The following PCK2 variants were observed in gnomAD, a reference collection of about 807,000 sequenced individuals.
PCK2 encodes the protein phosphoenolpyruvate carboxykinase [GTP], mitochondrial.
A neutral mutation model predicts 65.9 loss-of-function variants in PCK2; 56 were observed. That is an observed-to-expected ratio of 0.85 (90% CI 0.69 to 1.06). The LOEUF (loss-of-function observed/expected upper bound fraction) is 1.06. Ranked by LOEUF, PCK2 falls within the 50% of genes least tolerant of loss-of-function variation. The pLI is 0.00. For synonymous variants in PCK2, 305 were observed against 319.6 expected (o/e 0.95, Z 0.49); for missense variants, 843 against 863.1 (o/e 0.98, Z 0.29).
Position 24,103,741 on chromosome 14 carries a change from G to A in PCK2, c.1700G>A (p.Ser567Asn), listed in dbSNP as rs781741619. ...WICRRLEGEDSARETPIGLVP... is the reference protein window; with the variant it reads ...WICRRLEGEDNARETPIGLVP... ...TGCCGGCGGTTAGAGGGGGAGGACA[G>A]TGCCCGAGAGACACCCATTGGGCTG... The change falls in exon 10 of 10, where the codon AGT becomes AAT. Residue 567 changes from serine to asparagine, a missense_variant. Physicochemically the swap from Ser to Asn is conservative, Grantham distance 46. Coordinates refer to ENST00000216780, the MANE Select transcript of PCK2 (RefSeq NM_004563.4). 9 of 1,614,212 alleles carry A rather than the reference G, an allele frequency of 5.6e-6. No individual in the cohort carries two copies. The South Asian group carries it at 9.9e-5, about 18-fold the overall frequency.
rs34592767 is a variant in PCK2 at position 24,096,228 on chromosome 14, C to CTTTTTTT, written c.30-642_30-636dup. On this transcript the variant is annotated intron_variant, in intron 1 of 9. Coordinates refer to ENST00000216780, the MANE Select transcript of PCK2 (RefSeq NM_004563.4). ...TTGGGCCAAAGGCCCCTACTCATTTCTTTTTTTTTTTTTTTTTTTTTTTTT... is the reference window on the plus strand; with the variant it reads ...TTGGGCCAAAGGCCCCTACTCATTTCTTTTTTTTTTTTTTTTTTTTTTTTTTTTTTTT... 1.7e-4 allele frequency among the ~76,000 whole-genome samples: 10 copies of CTTTTTTT among 58,848 alleles called. 1 individual carries two copies. Among genetic ancestry groups the CTTTTTTT allele is most frequent in the Non-Finnish European group, 2.3e-4 (8 of 34,858 alleles). 38.6% of individuals were successfully genotyped at this position (58,848 alleles called of 152,430 possible).
Position 24,098,334 on chromosome 14 carries a change from C to A in PCK2, c.407C>A (p.Ser136Tyr). 1 of 1,613,882 alleles carries A rather than the reference C, an allele frequency of 6.2e-7. No individual in the cohort carries two copies. The highest frequency in any genetic ancestry group is 8.5e-7 in the Non-Finnish European group (1 of 1,179,840). Residue 136 changes from serine to tyrosine, a missense_variant, in exon 3 of 10, where the codon TCC becomes TAC. By Grantham distance (144) the Ser-to-Tyr change is moderately radical. Transcript: ENST00000216780. ...GARGQLGNWMSPADFQRAVDE... is the reference protein window; with the variant it reads ...GARGQLGNWMYPADFQRAVDE... Reference sequence around the variant, plus strand: ...CGTGGGCAGCTGGGCAACTGGATGTCCCCAGCTGATTTCCAGCGAGCTGTG... The same window carrying A: ...CGTGGGCAGCTGGGCAACTGGATGTACCCAGCTGATTTCCAGCGAGCTGTG...
rs61497654 is a variant in PCK2 at position 24,103,500 on chromosome 14, T to TC, written c.1469-3dup. The TC allele has an allele frequency of 5.1e-4, 788 of 1,534,258 alleles. 2 individuals are homozygous for TC. In the African/African-American group the frequency reaches 8.0e-3, roughly 16 times the overall value. The stretch of plus-strand genomic sequence containing the variant: ...AGGAAGATTCCTTACCCATCTTGCT[T>TC]CCCCCCCAGGGAAGATCATCATGCA... On this transcript the variant is annotated splice_polypyrimidine_tract_variant and intron_variant, in intron 9 of 9. Transcript: ENST00000216780.
At position 24,098,198 on chromosome 14, in the gene PCK2, C is replaced by T; in HGVS notation, c.276-5C>T. The T allele has an allele frequency of 3.1e-6, 5 of 1,589,988 alleles. No individual in the cohort carries two copies. Among genetic ancestry groups the T allele is most frequent in the Non-Finnish European group, 4.3e-6 (5 of 1,164,014 alleles). ...CCATCTTCCTGACAATCCCCTCTCC[C>T]CCAGCTGGCTGGCCCGCACAGACCC... On this transcript the variant is annotated splice_polypyrimidine_tract_variant and splice_region_variant and intron_variant, in intron 2 of 9. Transcript: ENST00000216780.
In PCK2 at chr14:24,102,904, G is replaced by A. The variant is rs1192624283; in HGVS notation, c.1372+14G>A. On this transcript the variant is annotated intron_variant, in intron 8 of 9. Coordinates refer to ENST00000216780, the MANE Select transcript of PCK2 (RefSeq NM_004563.4). ...GCAGACCCAAAGGTAAACAACATAT[G>A]AGCTCCATGTTCTTGGCAAAAGGGC... 6.2e-7 allele frequency: 1 copy of A among 1,611,246 alleles called. No homozygotes were observed. Among genetic ancestry groups the A allele is most frequent in the East Asian group, 2.2e-5 (1 of 44,842 alleles).
intron 4 of PCK2, 61 bp from the exon 5 acceptor site, chr14:24,098,988 G>C: frequency 7.5e-7 from 1 of 1,328,894 alleles, no homozygotes; most frequent in Non-Finnish European, 1.1e-6. Flanking sequence ...TGATCCCTCT[G>C]GCCCCGACAC....
chr14:24,094,266 G>C, upstream of PCK2: 1 of 792,198 alleles, frequency 1.3e-6, no homozygotes, highest in Non-Finnish European at 2.0e-6. This position sits in a 1 kb window ranked among gnomAD's most constrained non-coding sequence, Gnocchi z 4.1. Context: ...TTCCGCCCCC[G>C]CGCCTGCCCC....
At chr14:24,099,914 TG>T in intron 6 of PCK2, 80 bp from the exon 7 acceptor site, 1 of 1,612,494 alleles carries the variant, frequency 6.2e-7, no homozygotes, top group Non-Finnish European at 8.5e-7. Flanking sequence ...AGGACAGGGG[TG>T]GGTGGAGCAG....
intron 2 of PCK2, 43 bp from the exon 3 acceptor site, chr14:24,098,160 A>C: frequency 1.3e-6 from 2 of 1,545,930 alleles, no homozygotes; most frequent in Non-Finnish European, 1.8e-6. Flanking sequence ...GGACAAGGGA[A>C]ACCTGCTGGC....
At chr14:24,095,341 T>C in intron 1 of PCK2, 1 of 420,266 alleles carries the variant, frequency 2.4e-6, no homozygotes, top group South Asian at 1.6e-5. Flanking sequence ...AAACTGATGC[T>C]CACGGAGAAC....
chr14:24,104,003 A>C lies in PCK2; in HGVS notation c.*39A>C. ...TCTAGCAAGAGGACATAGCACCCTC[A>C]TCTGGGAATAGGGAAGGCACCTTGC... is the stretch of plus-strand genomic sequence containing the variant. On this transcript the variant is annotated 3_prime_UTR_variant, in exon 10 of 10. Transcript: ENST00000216780. 1 of 1,468,614 alleles carries C rather than the reference A, an allele frequency of 6.8e-7. No homozygotes were observed. Among genetic ancestry groups the C allele is most frequent in the Non-Finnish European group, 9.5e-7 (1 of 1,051,468 alleles). The allele number at this position is 1,468,614 out of a possible 1,614,324, so 91.0% of individuals were successfully genotyped here.
chr14:24,102,926 G>T (rs1167097622), intron 8 of PCK2, 36 bp downstream of exon 8: 3 of 1,601,190 alleles, frequency 1.9e-6, no homozygotes, highest in Non-Finnish European at 2.6e-6. Flanking sequence ...CTTGGCAAAA[G>T]GGCTATCTCT....
rs377500005 is a variant in PCK2 at position 24,103,651 on chromosome 14, G to A, written c.1610G>A (p.Arg537His). ...ATCTTCCATGTCAACTGGTTCCGGC[G>A]TGACGAGGCAGGGCACTTCCTGTGG... ...PRIFHVNWFR[R>H]DEAGHFLWPG... The change falls in exon 10 of 10, where the codon CGT (arginine) becomes CAT (histidine). Residue 537 changes from arginine (R) to histidine (H), a missense_variant. Arg to His is a conservative substitution (Grantham distance 29). Coordinates refer to ENST00000216780, the MANE Select transcript of PCK2 (RefSeq NM_004563.4). 26 of 1,614,088 alleles carry A rather than the reference G, an allele frequency of 1.6e-5. No individual in the cohort carries two copies. The Admixed American group carries it at 2.0e-4, about 12-fold the overall frequency.
chr14:24,095,378 G>C lies in PCK2; in HGVS notation c.29+944G>C, dbSNP rs972983340. ...TCCCTCTGAGGCAGGAACAGACCCA[G>C]GTCCCAGTAGCCCTCCTCCCCTGCC... On this transcript the variant is annotated intron_variant, in intron 1 of 9. Coordinates refer to ENST00000216780, the MANE Select transcript of PCK2 (RefSeq NM_004563.4). 28 of 387,356 alleles carry C rather than the reference G, an allele frequency of 7.2e-5. No individual in the cohort carries two copies. In the Admixed American group the frequency reaches 8.2e-4, roughly 11 times the overall value. The allele number at this position is 387,356 out of a possible 1,614,324, so 24.0% of individuals were successfully genotyped here. A position where few individuals can be genotyped will look rare whatever the true frequency, so the allele number is the denominator to read the frequency against.
chr14:24,097,265 AC>A, intron 2 of PCK2, 128 bp downstream of exon 2: 1 of 861,778 alleles, frequency 1.2e-6, no homozygotes, highest in Non-Finnish European at 1.8e-6. Context: ...GGGTAAACAG[AC>A]CCAGAAACTG....
rs746383047 is a variant in PCK2 at position 24,098,399 on chromosome 14, AG to A, written c.460+16del. 2.5e-6 allele frequency: 4 copies of A among 1,611,102 alleles called. No homozygotes were observed. The South Asian group carries it at 4.4e-5, about 18-fold the overall frequency. On this transcript the variant is annotated intron_variant, in intron 3 of 9. Coordinates refer to ENST00000216780, the MANE Select transcript of PCK2 (RefSeq NM_004563.4). ...AGGCTGCATGCAGGGTAACCAGGGC[AG>A]GGGCACAGTGGCAAGGGCACGGAAG...
chr14:24,099,629 G>C lies in PCK2; in HGVS notation c.924G>C (p.Lys308Asn). 6.2e-7 allele frequency: 1 copy of C among 1,614,106 alleles called. No individual in the cohort carries two copies. Among genetic ancestry groups the C allele is most frequent in the Non-Finnish European group, 8.5e-7 (1 of 1,179,966 alleles). ...CCGCCTTCCCTAGTGCCTGTGGCAAGACCAACCTGGCTATGATGCGGCCTG... is the reference window on the plus strand; with the variant it reads ...CCGCCTTCCCTAGTGCCTGTGGCAACACCAACCTGGCTATGATGCGGCCTG... Reference protein sequence around the residue: ...VAAAFPSACGKTNLAMMRPAL... With the variant: ...VAAAFPSACGNTNLAMMRPAL... The change falls in exon 6 of 10, where the codon AAG becomes AAC. Residue 308 changes from lysine (K) to asparagine (N), a missense_variant. Transcript: ENST00000216780.
At chr14:24,099,320 T>A in intron 5 of PCK2, 84 bp downstream of exon 5, 3 of 1,321,950 alleles carry the variant, frequency 2.3e-6, no homozygotes, top group Non-Finnish European at 3.1e-6. Flanking sequence ...CTCACCTCCC[T>A]CCTGCCAGGT....
At chr14:24,103,102 G>A in intron 8 of PCK2, 58 bp from the exon 9 acceptor site, 1 of 1,389,332 alleles carries the variant, frequency 7.2e-7, no homozygotes, top group Non-Finnish European at 1.0e-6. Context: ...CACCAGAAGG[G>A]CTGGAGTTAG....
Sources: allele counts gnomAD v4.1 joint callset (sites outside exome capture counted in the v4.1 genomes callset), GRCh38; gene constraint gnomAD v4.1.1; non-coding constraint Gnocchi (gnomAD v3.1); transcripts MANE v1.5; gene names NCBI Gene and HGNC (gene_info 2026-07-23, HGNC 2026-07-21).